Variants in ZDHHC11B observed in about 807,000 individuals in gnomAD.
ZDHHC11B encodes the protein zDHHC palmitoyltransferase 11B (putative), also known as probable palmitoyltransferase ZDHHC11B.
Under a neutral mutation model 42.3 loss-of-function variants are expected in ZDHHC11B, and 17 were observed. The ratio of observed to expected loss-of-function variants is 0.40; its 90% CI spans 0.27 to 0.60. The LOEUF (loss-of-function observed/expected upper bound fraction) is 0.60. ZDHHC11B is among the 20% of genes least tolerant of loss of function. The pLI is 0.41. For synonymous variants in ZDHHC11B, 123 were observed against 193.5 expected (o/e 0.64, Z 3.02); for missense variants, 262 against 463.2 (o/e 0.57, Z 3.99).
intron 1 of ZDHHC11B, among the ~76,000 whole-genome samples, chr5:777,536 G>A (rs535535396): frequency 9.9e-5 from 15 of 151,988 alleles, no homozygotes; most frequent in African/African-American, 3.4e-4. Context: ...GCGGAGAAGA[G>A]AATGGAGTCA....
intron 2 of ZDHHC11B, among the ~76,000 whole-genome samples, 182 bp from the exon 3 acceptor site, chr5:767,706 T>A (rs1311052496): frequency 2.0e-5 from 2 of 101,630 alleles, no homozygotes; most frequent in African/African-American, 3.4e-5. Context: ...CCAGCAGGGG[T>A]GTAATTCACC....
intron 1 of ZDHHC11B, among the ~76,000 whole-genome samples, chr5:784,426 C>T (rs1737102608): frequency 6.6e-6 from 1 of 152,278 alleles, no homozygotes; most frequent in Middle Eastern, 3.4e-3. Flanking sequence ...CCGACGGTGA[C>T]CCCCGCTCGC....
Position 759,662 on chromosome 5 carries a change from C to T in ZDHHC11B, c.223-3518G>A, listed in dbSNP as rs572588849. Among the ~76,000 whole-genome samples the T allele has an allele frequency of 6.9e-3, 1,049 of 151,792 alleles. 25 individuals are homozygous for T. Among genetic ancestry groups the T allele is most frequent in the South Asian group, 0.013 (63 of 4,754 alleles). ...GGCACTGAGGCATGCTCTGGAAGGG[C>T]CCATACACGCGGCCGCTGGACGGTT... On this transcript the variant is annotated intron_variant, in intron 4 of 13. Coordinates refer to ENST00000508859, the MANE Select transcript of ZDHHC11B (RefSeq NM_001351303.2).
At chr5:749,081 AC>A (rs1478516071) in intron 7 of ZDHHC11B, among the ~76,000 whole-genome samples, 1 of 111,734 alleles carries the variant, frequency 8.9e-6, no homozygotes, top group Non-Finnish European at 1.9e-5. Flanking sequence ...CTCATTAAGT[AC>A]CGAGGTCACA....
chr5:766,773 G>A lies in ZDHHC11B; in HGVS notation c.147C>T (p.Phe49=), dbSNP rs766611704. The change falls in exon 4 of 14, where the codon TTC becomes TTT. Residue 49 remains phenylalanine (F), a synonymous_variant. Coordinates refer to ENST00000508859, the MANE Select transcript of ZDHHC11B (RefSeq NM_001351303.2). Reference sequence around the variant, plus strand: ...TGAAGGTGGCCAAGGAAAGGCCAACGAAGACAGCCCAAGTCACCACCCGGA... The same window carrying A: ...TGAAGGTGGCCAAGGAAAGGCCAACAAAGACAGCCCAAGTCACCACCCGGA... The part of the protein sequence containing the change: ...HYFRVVTWAV[F]VGLSLATFRI... The A allele has an allele frequency of 2.1e-5, 34 of 1,612,452 alleles. No homozygotes were observed. The highest frequency in any genetic ancestry group is 4.0e-5 in the African/African-American group (3 of 74,764).
At chr5:738,125 C>G (rs1472868773) in intron 10 of ZDHHC11B, among the ~76,000 whole-genome samples, 5 of 32,078 alleles carry the variant, frequency 1.6e-4, no homozygotes, top group African/African-American at 3.9e-4. Context: ...TCAATGGACA[C>G]AAATCAGTAG....
At chr5:744,318 G>A (rs1490204937) in intron 9 of ZDHHC11B, among the ~76,000 whole-genome samples, 4 of 149,614 alleles carry the variant, frequency 2.7e-5, no homozygotes, top group African/African-American at 9.8e-5. Context: ...TGGCATTGCT[G>A]AATGAGTTGG....
At chr5:743,233 C>T (rs1180477036) in intron 9 of ZDHHC11B, among the ~76,000 whole-genome samples, 8 of 149,352 alleles carry the variant, frequency 5.4e-5, no homozygotes, top group East Asian at 2.1e-4. Context: ...CTGTCTCTGT[C>T]GGCGCCACAC....
intron 9 of ZDHHC11B, among the ~76,000 whole-genome samples, chr5:742,237 C>A (rs1352789211): frequency 7.1e-6 from 1 of 140,202 alleles, no homozygotes; most frequent in Non-Finnish European, 1.5e-5. Flanking sequence ...TCTTGCTTGG[C>A]CTCCCAAAGC....
At chr5:741,741 G>A (rs1452081050) in intron 9 of ZDHHC11B, 113 bp from the exon 10 acceptor site, 9 of 1,052,538 alleles carry the variant, frequency 8.6e-6, no homozygotes, top group Non-Finnish European at 1.2e-5. Context: ...GGTACCTGGA[G>A]TTCTCTTGGG....
chr5:739,396 TCAAACAAA>T lies in ZDHHC11B; in HGVS notation c.935+2190_935+2197del, dbSNP rs70955296. Among the ~76,000 whole-genome samples the T allele has an allele frequency of 3.4e-3, 504 of 149,160 alleles. 12 individuals carry two copies. Among genetic ancestry groups the T allele is most frequent in the African/African-American group, 0.012 (484 of 40,090 alleles). On this transcript the variant is annotated intron_variant, in intron 10 of 13. Transcript: ENST00000508859. ...CTGGGTGACAGAGTGAGACTCTGTC[TCAAACAAA>T]CAAACAAACAAACAAACAACAAAAC...
At position 784,257 on chromosome 5, in the gene ZDHHC11B, C is replaced by T. The variant is rs185389492; in HGVS notation, c.-230+411G>A. Among the ~76,000 whole-genome samples the T allele has an allele frequency of 3.4e-4, 52 of 151,814 alleles. 2 individuals are homozygous for T. In the East Asian group the frequency reaches 9.7e-3, roughly 28 times the overall value. ...CCACGCCCTAATTTCCCACGCCTCACACCGGCGGCCCCCTACGCCTGGGAA... is the reference window on the plus strand; with the variant it reads ...CCACGCCCTAATTTCCCACGCCTCATACCGGCGGCCCCCTACGCCTGGGAA... On this transcript the variant is annotated intron_variant, in intron 1 of 13. Coordinates refer to ENST00000508859, the MANE Select transcript of ZDHHC11B (RefSeq NM_001351303.2).
At chr5:726,895 A>C (rs2126988285) in intron 12 of ZDHHC11B, among the ~76,000 whole-genome samples, 1 of 120,442 alleles carries the variant, frequency 8.3e-6, no homozygotes, top group African/African-American at 3.5e-5. Context: ...GAAATGGATA[A>C]AGGAGAAAAT....
intron 4 of ZDHHC11B, among the ~76,000 whole-genome samples, chr5:761,081 C>T (rs908826571): frequency 1.3e-5 from 2 of 151,846 alleles, no homozygotes; most frequent in African/African-American, 2.4e-5. Flanking sequence ...ATGCCCAGAA[C>T]CTCGGCCGGA....
At chr5:770,622 C>T (rs554486893) in intron 1 of ZDHHC11B, among the ~76,000 whole-genome samples, 3 of 152,138 alleles carry the variant, frequency 2.0e-5, no homozygotes, top group East Asian at 3.9e-4. Context: ...AGCAGTCGTG[C>T]GACAGCCGCT....
At chr5:770,220 C>A (rs1188135912) in intron 1 of ZDHHC11B, among the ~76,000 whole-genome samples, 1 of 150,482 alleles carries the variant, frequency 6.6e-6, no homozygotes, top group Non-Finnish European at 1.5e-5. Context: ...CAGGACGTGG[C>A]GAGGGCTGAG....
Position 751,705 on chromosome 5 carries a change from G to GCA in ZDHHC11B, c.504-449_504-448insTG, listed in dbSNP as rs1745788746. Among the ~76,000 whole-genome samples the GCA allele has an allele frequency of 1.6e-5, 2 of 128,386 alleles. 1 individual carries two copies. Among genetic ancestry groups the GCA allele is most frequent in the Non-Finnish European group, 3.5e-5 (2 of 57,614 alleles). 84.2% of individuals were successfully genotyped at this position (128,386 alleles called of 152,430 possible). A position where few individuals can be genotyped will look rare whatever the true frequency, so the allele number is the denominator to read the frequency against. ...GGCCTCAAACCCTGCTCCCGACCAT[G>GCA]CCTGGAAGCTCAGGCTCCTGTCTCT... On this transcript the variant is annotated intron_variant, in intron 6 of 13. Coordinates refer to ENST00000508859, the MANE Select transcript of ZDHHC11B (RefSeq NM_001351303.2).
intron 8 of ZDHHC11B, among the ~76,000 whole-genome samples, chr5:746,416 T>C (rs1244852860): frequency 7.2e-6 from 1 of 139,396 alleles, no homozygotes; most frequent in African/African-American, 2.5e-5. Flanking sequence ...AGGCTCTGGG[T>C]CACGGGGGTG....
chr5:732,899 AAAAAT>A (rs1743133951), intron 11 of ZDHHC11B, among the ~76,000 whole-genome samples: 2 of 151,824 alleles, frequency 1.3e-5, no homozygotes, highest in African/African-American at 4.9e-5. Context: ...ATAAAAAACA[AAAAAT>A]AAATTGGCTG....
Sources: allele counts gnomAD v4.1 joint callset (sites outside exome capture counted in the v4.1 genomes callset), GRCh38; gene constraint gnomAD v4.1.1; transcripts MANE v1.5; gene names NCBI Gene and HGNC (gene_info 2026-07-23, HGNC 2026-07-21).